PDE1A: variants seen among roughly 807,000 people sequenced by gnomAD.
PDE1A encodes the protein dual specificity calcium/calmodulin-dependent 3',5'-cyclic nucleotide phosphodiesterase 1A.
A neutral mutation model predicts 61.7 loss-of-function variants in PDE1A; 35 were observed. The ratio of observed to expected loss-of-function variants is 0.57; its 90% CI spans 0.43 to 0.75. The LOEUF is 0.75. Ranked by LOEUF, PDE1A falls within the 30% of genes least tolerant of loss-of-function variation. PDE1A has a pLI of 0.00. For synonymous variants in PDE1A, 232 were observed against 213.2 expected (o/e 1.09, Z -0.77); for missense variants, 597 against 630.6 (o/e 0.95, Z 0.57).
At chr2:182,481,324 G>A (rs1402333201) in intron 2 of PDE1A, among the ~76,000 whole-genome samples, 1 of 151,732 alleles carries the variant, frequency 6.6e-6, no homozygotes, top group Non-Finnish European at 1.5e-5. Context: ...ATTTATCATA[G>A]TCTTCAACAA....
intron 1 of PDE1A, among the ~76,000 whole-genome samples, chr2:182,405,392 G>A (rs1053704301): frequency 1.3e-5 from 2 of 152,232 alleles, no homozygotes; most frequent in Non-Finnish European, 2.9e-5. Context: ...CCCAGGGTCA[G>A]TGAAGTGTAG....
At chr2:182,408,624 G>A (rs545144324) in intron 1 of PDE1A, among the ~76,000 whole-genome samples, 7 of 152,192 alleles carry the variant, frequency 4.6e-5, no homozygotes, top group Admixed American at 6.5e-5. Context: ...CTAAAAGATC[G>A]TGTTAAATTA....
At chr2:182,415,036 A>G (rs141461503) in intron 1 of PDE1A, among the ~76,000 whole-genome samples, 296 of 152,280 alleles carry the variant, frequency 1.9e-3, no homozygotes, top group African/African-American at 6.8e-3. Context: ...GGGATAGATT[A>G]TTATTGAAGT....
exon 6 of PDE1A, chr2:182,230,011 T>C (rs1177483901): frequency 6.2e-7 from 1 of 1,610,768 alleles, no homozygotes; most frequent in Non-Finnish European, 8.5e-7. Context: ...CTTACCATGA[T>C]ACCTGTATGA....
intron 10 of PDE1A, among the ~76,000 whole-genome samples, chr2:182,199,755 A>G (rs926106210): frequency 9.2e-5 from 14 of 152,130 alleles, no homozygotes; most frequent in Non-Finnish European, 1.8e-4. Context: ...ATATTTTTCA[A>G]TACTATTTTT....
At chr2:182,157,126 T>C (rs1691134916) in intron 13 of PDE1A, among the ~76,000 whole-genome samples, 1 of 151,888 alleles carries the variant, frequency 6.6e-6, no homozygotes, top group Non-Finnish European at 1.5e-5. Context: ...TCGATTCTCC[T>C]GGCTCAGCCT....
At chr2:182,207,212 A>G (rs1187009665) in intron 7 of PDE1A, among the ~76,000 whole-genome samples, 1 of 152,204 alleles carries the variant, frequency 6.6e-6, no homozygotes, top group African/African-American at 2.4e-5. Context: ...GCTGTGACCA[A>G]AATACTGATA....
At chr2:182,178,093 T>C (rs1684429331) in intron 13 of PDE1A, among the ~76,000 whole-genome samples, 1 of 152,206 alleles carries the variant, frequency 6.6e-6, no homozygotes, top group African/African-American at 2.4e-5. Flanking sequence ...GTTTTGTTTC[T>C]ACTTGTTTGT....
chr2:182,309,103 T>C (rs73038165), intron 1 of PDE1A, among the ~76,000 whole-genome samples: 4,449 of 152,068 alleles, frequency 0.029, 233 homozygotes, highest in African/African-American at 0.1. Flanking sequence ...AAGAGCTTCA[T>C]GAAATTCAGG....
chr2:182,633,847 G>T, the PDE1A span, among the ~76,000 whole-genome samples: 1 of 152,118 alleles, frequency 6.6e-6, no homozygotes, highest in Non-Finnish European at 1.5e-5. Context: ...ACTTTGGGAG[G>T]CCAAGGCAGG....
At chr2:182,187,375 T>C (rs1397041284) in intron 11 of PDE1A, among the ~76,000 whole-genome samples, 1 of 152,178 alleles carries the variant, frequency 6.6e-6, no homozygotes, top group East Asian at 1.9e-4. Context: ...GACAACAACC[T>C]ATTCTAAGGT....
the PDE1A span, among the ~76,000 whole-genome samples, chr2:182,660,455 T>A: frequency 6.6e-6 from 1 of 152,176 alleles, no homozygotes; most frequent in African/African-American, 2.4e-5. Context: ...GAATATAAGA[T>A]TTCACTCCAG....
intron 1 of PDE1A, among the ~76,000 whole-genome samples, chr2:182,270,113 A>C (rs1692912837): frequency 6.6e-6 from 1 of 152,146 alleles, no homozygotes; most frequent in Non-Finnish European, 1.5e-5. Context: ...GCACACTTTG[A>C]TCTGCTTAGT....
At chr2:182,578,095 A>G in the PDE1A span, among the ~76,000 whole-genome samples, 14 of 152,264 alleles carry the variant, frequency 9.2e-5, no homozygotes, top group African/African-American at 3.1e-4. Flanking sequence ...TTCTTTTTCC[A>G]TTTTCTGAAC....
chr2:182,374,982 A>T (rs1236681842), intron 1 of PDE1A, among the ~76,000 whole-genome samples: 1 of 152,204 alleles, frequency 6.6e-6, no homozygotes, highest in African/African-American at 2.4e-5. Flanking sequence ...GAAACCCCTC[A>T]TAAAACCAAC....
intron 1 of PDE1A, among the ~76,000 whole-genome samples, chr2:182,380,149 C>T (rs1212025160): frequency 5.4e-5 from 7 of 128,544 alleles, no homozygotes; most frequent in African/African-American, 5.9e-5. Context: ...CTTGCTCTGT[C>T]GCCCAGGCTG....
At chr2:182,436,213 T>C (rs1216312470) in intron 2 of PDE1A, among the ~76,000 whole-genome samples, 1 of 152,074 alleles carries the variant, frequency 6.6e-6, no homozygotes, top group African/African-American at 2.4e-5. Context: ...GCTTTTCTCT[T>C]TGCTTCTATG....
At chr2:182,714,740 G>C in the PDE1A span, among the ~76,000 whole-genome samples, 4 of 152,044 alleles carry the variant, frequency 2.6e-5, no homozygotes, top group Middle Eastern at 3.4e-3. Context: ...TGTATTTTTA[G>C]TAGAGATGGG....
chr2:182,505,529 C>T (rs527749385), intron 2 of PDE1A, among the ~76,000 whole-genome samples: 8 of 152,294 alleles, frequency 5.3e-5, no homozygotes, highest in Non-Finnish European at 1.0e-4. Context: ...TTATCCCTCA[C>T]AATTTTGAGA....
Sources: allele counts gnomAD v4.1 joint callset (sites outside exome capture counted in the v4.1 genomes callset), GRCh38; gene constraint gnomAD v4.1.1; transcripts MANE v1.5; gene names NCBI Gene and HGNC (gene_info 2026-07-23, HGNC 2026-07-21).